The following MBNL3 variants were observed in gnomAD, a reference collection of about 807,000 sequenced individuals.
The protein encoded by MBNL3 is muscleblind-like protein 3.
Under a neutral mutation model 24.5 loss-of-function variants are expected in MBNL3, and 6 were observed. The ratio of observed to expected loss-of-function variants is 0.25; its 90% CI spans 0.13 to 0.48. The LOEUF (loss-of-function observed/expected upper bound fraction) is 0.48, where lower values mean the gene tolerates loss of function less well. Among genes scored for constraint, MBNL3 ranks in the 20% least tolerant of loss-of-function variants. The probability of loss-of-function intolerance (pLI) is 0.99; values close to 1 mark genes in which losing one functional copy is unlikely to be tolerated. For synonymous variants in MBNL3, 100 were observed against 101.7 expected (o/e 0.98, Z 0.10); for missense variants, 230 against 293.5 (o/e 0.78, Z 1.58).
rs1933895623 is a variant in MBNL3 at position 132,374,173 on chromosome X, T to G, written c.*5493A>C. 1 of 111,670 alleles carries G rather than the reference T, an allele frequency of 9.0e-6. No individual in the cohort carries two copies. The highest frequency in any genetic ancestry group is 3.2e-5 in the African/African-American group (1 of 30,785). The allele number at this position is 111,670 out of a possible 1,213,427, so 9.2% of individuals were successfully genotyped here. A position where few individuals can be genotyped will look rare whatever the true frequency, so the allele number is the denominator to read the frequency against. On this transcript the variant is annotated 3_prime_UTR_variant, in exon 9 of 9. Coordinates refer to ENST00000370853, the MANE Select transcript of MBNL3 (RefSeq NM_001386889.1). The stretch of plus-strand genomic sequence containing the variant: ...ACATATATCAGCTGATCACTTTCTG[T>G]GAAAGATGAAATCTTATTCTATCAT...
At chrX:132,446,195 T>C (rs1945709415) in intron 1 of MBNL3, among the ~76,000 whole-genome samples, 1 of 112,198 alleles carries the variant, frequency 8.9e-6, no homozygotes. Context: ...CAATCTATCA[T>C]TGATGAGCAT....
At chrX:132,458,851 C>T (rs942460052) in intron 1 of MBNL3, among the ~76,000 whole-genome samples, 2 of 108,125 alleles carry the variant, frequency 1.8e-5, no homozygotes, top group African/African-American at 6.8e-5. Context: ...TTTGTCTCCC[C>T]AACAAACATC....
intron 1 of MBNL3, among the ~76,000 whole-genome samples, chrX:132,446,311 A>G (rs759214365): frequency 8.9e-6 from 1 of 112,045 alleles, no homozygotes; most frequent in South Asian, 3.7e-4. Context: ...GTATATACCT[A>G]GTAATGGGAT....
At chrX:132,400,466 A>G (rs1940691486) in intron 3 of MBNL3, among the ~76,000 whole-genome samples, 1 of 112,190 alleles carries the variant, frequency 8.9e-6, no homozygotes, top group Admixed American at 9.4e-5. Context: ...ACTTTGGACC[A>G]GTAATTGCAA....
In MBNL3 at chrX:132,440,195, A is replaced by G. The variant is rs1299446574; in HGVS notation, c.-584T>C. On this transcript the variant is annotated 5_prime_UTR_variant, in exon 2 of 9. Transcript: ENST00000370853. ...GCTGACAGTAAACTACAAGCACACC[A>G]GGTTCGGCGGGGAGGTGGAGAGGGC... Among the ~76,000 whole-genome samples the G allele has an allele frequency of 1.8e-5, 2 of 110,844 alleles. No individual in the cohort carries two copies. Among genetic ancestry groups the G allele is most frequent in the Non-Finnish European group, 3.8e-5 (2 of 52,956 alleles).
At chrX:132,423,354 AC>A (rs1388952714) in intron 2 of MBNL3, among the ~76,000 whole-genome samples, 3 of 111,383 alleles carry the variant, frequency 2.7e-5, no homozygotes, top group African/African-American at 9.8e-5. Context: ...TTCTTTAAAA[AC>A]TGCCCCTCAG....
At chrX:132,410,063 A>G (rs1209431161) in intron 2 of MBNL3, among the ~76,000 whole-genome samples, 1 of 111,944 alleles carries the variant, frequency 8.9e-6, no homozygotes, top group Non-Finnish European at 1.9e-5. Context: ...CAGGGGGAGA[A>G]AATAGCCGAT....
At chrX:132,416,870 A>G (rs1208708537) in intron 2 of MBNL3, among the ~76,000 whole-genome samples, 1 of 112,174 alleles carries the variant, frequency 8.9e-6, no homozygotes, top group Non-Finnish European at 1.9e-5. Flanking sequence ...AAAGCATCTG[A>G]AAATTAGGCC....
In MBNL3 at chrX:132,372,151, G is replaced by A. The variant is rs1489008492; in HGVS notation, c.*7515C>T. The A allele has an allele frequency of 9.1e-6, 1 of 110,429 alleles. No homozygotes were observed. The highest frequency in any genetic ancestry group is 1.9e-5 in the Non-Finnish European group (1 of 52,700). 9.1% of individuals were successfully genotyped at this position (110,429 alleles called of 1,213,427 possible). A position where few individuals can be genotyped will look rare whatever the true frequency, so the allele number is the denominator to read the frequency against. On this transcript the variant is annotated 3_prime_UTR_variant, in exon 9 of 9. Coordinates refer to ENST00000370853, the MANE Select transcript of MBNL3 (RefSeq NM_001386889.1). ...TCAAAGCGTCTGCAGTTGAGGGAAT[G>A]AGCTATTGCATTTTGGAGGAAAATT...
chrX:132,451,473 GA>G (rs1251624703), intron 1 of MBNL3, among the ~76,000 whole-genome samples: 2 of 111,571 alleles, frequency 1.8e-5, no homozygotes, highest in Non-Finnish European at 3.8e-5. Flanking sequence ...ACGCTGTGGG[GA>G]AAAACTGCCT....
intron 2 of MBNL3, among the ~76,000 whole-genome samples, chrX:132,423,098 A>G (rs1458845642): frequency 8.9e-6 from 1 of 111,945 alleles, no homozygotes; most frequent in Non-Finnish European, 1.9e-5. Flanking sequence ...GACATCAGTA[A>G]TGATGTTAGC....
intron 6 of MBNL3, among the ~76,000 whole-genome samples, chrX:132,385,076 A>G (rs1035013386): frequency 9.0e-6 from 1 of 111,051 alleles, no homozygotes; most frequent in African/African-American, 3.3e-5. Flanking sequence ...CCGTGTTTCT[A>G]TTTAGAGTAT....
intron 3 of MBNL3, among the ~76,000 whole-genome samples, chrX:132,397,629 CATA>C (rs949680674): frequency 1.4e-4 from 16 of 111,347 alleles, no homozygotes; most frequent in Non-Finnish European, 1.5e-4. Flanking sequence ...TTACTAGCGT[CATA>C]ATATCTTCAT....
intron 2 of MBNL3, among the ~76,000 whole-genome samples, chrX:132,410,154 A>C (rs765499919): frequency 3.6e-5 from 4 of 111,950 alleles, no homozygotes; most frequent in South Asian, 3.7e-4. Context: ...AAGCCTCCCA[A>C]ATTCAATCTA....
intron 2 of MBNL3, among the ~76,000 whole-genome samples, chrX:132,411,025 A>C (rs1032444047): frequency 8.9e-6 from 1 of 112,199 alleles, no homozygotes; most frequent in South Asian, 3.7e-4. Flanking sequence ...TCTGCATACA[A>C]CTTTTAAGTT....
chrX:132,434,879 T>G (rs1296705040), intron 2 of MBNL3, among the ~76,000 whole-genome samples: 3 of 111,200 alleles, frequency 2.7e-5, no homozygotes. Context: ...TCAAATAAGG[T>G]CTTGAGTTTA....
At chrX:132,474,915 C>T (rs1049711157) in intron 1 of MBNL3, among the ~76,000 whole-genome samples, 5 of 111,437 alleles carry the variant, frequency 4.5e-5, no homozygotes, top group African/African-American at 6.5e-5. Context: ...CACCAACAAC[C>T]TTTTCAGTGC....
chrX:132,392,062 C>T, intron 4 of MBNL3, 81 bp downstream of exon 4: 1 of 899,644 alleles, frequency 1.1e-6, no homozygotes, highest in South Asian at 3.4e-5. Flanking sequence ...TTTAAAACAA[C>T]ACACTGGGCT....
At position 132,445,850 on chromosome X, in the gene MBNL3, G is replaced by T. The variant is rs751840539; in HGVS notation, c.-703-5536C>A. On this transcript the variant is annotated intron_variant, in intron 1 of 8. Coordinates refer to ENST00000370853, the MANE Select transcript of MBNL3 (RefSeq NM_001386889.1). ...TGGGATACATGTGCGGAACGTGCAG[G>T]TTTGTTACATAGGTATACACGTGCC... Among the ~76,000 whole-genome samples, 110 of 111,131 alleles carry T rather than the reference G, an allele frequency of 9.9e-4. 1 individual carries two copies. Among genetic ancestry groups the T allele is most frequent in the Non-Finnish European group, 1.6e-3 (85 of 52,931 alleles).
Sources: allele counts gnomAD v4.1 joint callset (sites outside exome capture counted in the v4.1 genomes callset), GRCh38; gene constraint gnomAD v4.1.1; transcripts MANE v1.5; gene names NCBI Gene and HGNC (gene_info 2026-07-23, HGNC 2026-07-21).